Variants in KCNMA1 observed in about 807,000 individuals in gnomAD.
KCNMA1 encodes Calcium-activated potassium channel subunit alpha-1.
KCNMA1 carries 29 observed loss-of-function variants against 140.0 expected under a neutral mutation model. That is an observed-to-expected ratio of 0.21 (90% CI 0.15 to 0.28). The LOEUF (loss-of-function observed/expected upper bound fraction) is 0.28, where lower values mean the gene tolerates loss of function less well. Ranked by LOEUF, KCNMA1 falls within the 10% of genes least tolerant of loss-of-function variation. The pLI is 1.00. For missense variants in KCNMA1, 880 were observed against 1,602.2 expected (o/e 0.55, Z 7.70); for synonymous variants, 612 against 611.9 (o/e 1.00, Z 0.00).
intron 1 of KCNMA1, among the ~76,000 whole-genome samples, chr10:77,584,469 C>A (rs1014967069): frequency 3.9e-5 from 6 of 152,200 alleles, no homozygotes; most frequent in African/African-American, 1.4e-4. Flanking sequence ...ATTCTCCTGC[C>A]TCAGCCTCCA....
chr10:76,978,561 A>G (rs1592607404), intron 19 of KCNMA1: 1 of 152,238 alleles, frequency 6.6e-6, no homozygotes, highest in East Asian at 1.9e-4. Flanking sequence ...TAAAATCATC[A>G]TTGTGAATAA....
Position 77,598,287 on chromosome 10 carries a change from A to G in KCNMA1, c.378+38978T>C, listed in dbSNP as rs367912766. Among the ~76,000 whole-genome samples the G allele has an allele frequency of 6.6e-5, 10 of 152,268 alleles. No homozygotes were observed. In the East Asian group the frequency reaches 7.7e-4, roughly 12 times the overall value. On this transcript the variant is annotated intron_variant, in intron 1 of 27. Coordinates refer to ENST00000286628, the MANE Select transcript of KCNMA1 (RefSeq NM_001161352.2). ...CACCCGGCCCACTGTAAAATATTTT[A>G]ATCCCCTGGACTGTCAGCTCCAAGA...
intron 2 of KCNMA1, among the ~76,000 whole-genome samples, chr10:77,319,388 G>C (rs1430465579): frequency 6.6e-6 from 1 of 152,288 alleles, no homozygotes; most frequent in East Asian, 1.9e-4. Context: ...TGCTCTAACA[G>C]ATTTTGAGTT....
chr10:77,043,004 A>G (rs1233274609), intron 14 of KCNMA1, among the ~76,000 whole-genome samples: 1 of 152,208 alleles, frequency 6.6e-6, no homozygotes, highest in East Asian at 1.9e-4. Flanking sequence ...CTGACCACAT[A>G]TATCTGACTT....
chr10:77,360,033 T>C (rs2093817628), intron 2 of KCNMA1, among the ~76,000 whole-genome samples: 1 of 152,226 alleles, frequency 6.6e-6, no homozygotes, highest in Non-Finnish European at 1.5e-5. Flanking sequence ...AGGAAAGTCA[T>C]CTGATTTCAA....
downstream of KCNMA1, among the ~76,000 whole-genome samples, chr10:76,879,877 C>T (rs1589382601): frequency 6.6e-6 from 1 of 152,170 alleles, no homozygotes; most frequent in African/African-American, 2.4e-5. Context: ...AAAGCTTTGC[C>T]AGGCCGCTGA....
chr10:77,053,469 G>A lies in KCNMA1; in HGVS notation c.1750-13832C>T, dbSNP rs557268730. On this transcript the variant is annotated intron_variant, in intron 14 of 27. Coordinates refer to ENST00000286628, the MANE Select transcript of KCNMA1 (RefSeq NM_001161352.2). ...GGGTGAATTGCCAGAGACGCTGAAG[G>A]GGTTGGGAAAACCAGTGTCATTTAG... Among the ~76,000 whole-genome samples, 4 of 152,300 alleles carry A rather than the reference G, an allele frequency of 2.6e-5. No homozygotes were observed. In the East Asian group the frequency reaches 7.7e-4, roughly 29 times the overall value.
At chr10:77,202,124 A>G (rs913354340) in intron 3 of KCNMA1, among the ~76,000 whole-genome samples, 18 of 152,196 alleles carry the variant, frequency 1.2e-4, no homozygotes, top group Admixed American at 1.1e-3. Flanking sequence ...GTGCCTCTAA[A>G]TGTCTACAGA....
chr10:77,146,217 A>G (rs2098285843), intron 5 of KCNMA1, among the ~76,000 whole-genome samples: 1 of 152,212 alleles, frequency 6.6e-6, no homozygotes, highest in Non-Finnish European at 1.5e-5. Context: ...CCCAAAAGAA[A>G]TTAGCCTTCT....
intron 3 of KCNMA1, among the ~76,000 whole-genome samples, chr10:77,248,805 AG>A (rs2059131682): frequency 6.6e-6 from 1 of 152,164 alleles, no homozygotes; most frequent in Non-Finnish European, 1.5e-5. Flanking sequence ...GACTTACCAT[AG>A]AGATGGCTTT....
intron 2 of KCNMA1, among the ~76,000 whole-genome samples, chr10:77,357,425 TC>T (rs1453869303): frequency 6.6e-6 from 1 of 152,226 alleles, no homozygotes; most frequent in Non-Finnish European, 1.5e-5. Context: ...TCTGCCAGCC[TC>T]TGCTTAGATA....
intron 5 of KCNMA1, among the ~76,000 whole-genome samples, chr10:77,153,039 T>C (rs1296755029): frequency 6.6e-6 from 1 of 152,178 alleles, no homozygotes; most frequent in African/African-American, 2.4e-5. Context: ...TGAGACCTTA[T>C]AGATCCAGAG....
intron 2 of KCNMA1, among the ~76,000 whole-genome samples, chr10:77,308,403 A>G (rs1476047553): frequency 2.6e-5 from 4 of 152,234 alleles, no homozygotes; most frequent in African/African-American, 7.2e-5. Context: ...AACATCCCAG[A>G]CAAACCAGTC....
chr10:77,488,236 G>A (rs1044065240), intron 1 of KCNMA1, among the ~76,000 whole-genome samples: 1 of 152,196 alleles, frequency 6.6e-6, no homozygotes. Context: ...TTGTGGCTGT[G>A]GCCAGCTGAC....
At chr10:77,548,027 C>T (rs368404688) in intron 1 of KCNMA1, among the ~76,000 whole-genome samples, 103 of 152,178 alleles carry the variant, frequency 6.8e-4, no homozygotes, top group African/African-American at 2.3e-3. Flanking sequence ...ATTGCCAACC[C>T]TTGATTTAGA....
chr10:77,536,275 A>T (rs1329065645), intron 1 of KCNMA1, among the ~76,000 whole-genome samples: 2 of 152,238 alleles, frequency 1.3e-5, no homozygotes, highest in African/African-American at 2.4e-5. Context: ...GATGGAGTTT[A>T]GAATTGTCCC....
chr10:77,471,469 G>A (rs1034444094), intron 1 of KCNMA1, among the ~76,000 whole-genome samples: 9 of 143,958 alleles, frequency 6.3e-5, no homozygotes, highest in African/African-American at 1.8e-4. Flanking sequence ...CACCACACAC[G>A]TAACACAATA....
intron 14 of KCNMA1, among the ~76,000 whole-genome samples, chr10:77,048,135 A>ATAAATAAATAAATAAATAAATAAAT (rs2095186319): frequency 6.0e-5 from 1 of 16,634 alleles, no homozygotes; most frequent in Non-Finnish European, 1.7e-4. Flanking sequence ...AATAAATAAG[A>ATAAATAAATAAATAAATAAATAAAT]ATTACAAAAA....
chr10:76,993,791 C>T (rs1451793668), intron 19 of KCNMA1, among the ~76,000 whole-genome samples: 2 of 152,226 alleles, frequency 1.3e-5, no homozygotes, highest in Non-Finnish European at 1.5e-5. Context: ...AGACTAAGAA[C>T]AAAACCCTTG....
Sources: gnomAD v4.1 joint callset for allele counts (sites outside exome capture counted in the v4.1 genomes callset) on GRCh38, gnomAD v4.1.1 for gene constraint, MANE v1.5 for transcripts, NCBI Gene and HGNC (gene_info 2026-07-23, HGNC 2026-07-21) for gene names.